Variants in GAS6 observed in about 807,000 individuals in gnomAD.
GAS6 encodes growth arrest specific 6.
In GAS6, 41 loss-of-function variants were observed where a neutral mutation model predicts 75.8. That is an observed-to-expected ratio of 0.54 (90% CI 0.42 to 0.70). The LOEUF (loss-of-function observed/expected upper bound fraction) is 0.70, where lower values mean the gene tolerates loss of function less well. GAS6 is among the 30% of genes least tolerant of loss of function. GAS6 has a pLI of 0.00. For synonymous variants in GAS6, 432 were observed against 412.6 expected (o/e 1.05, Z -0.57); for missense variants, 854 against 940.2 (o/e 0.91, Z 1.20).
Position 113,832,746 on chromosome 13 carries a change from A to T in GAS6, c.841T>A (p.Leu281Met), listed in dbSNP as rs2138631457. 1 of 1,612,674 alleles carries T rather than the reference A, an allele frequency of 6.2e-7. No homozygotes were observed. Among genetic ancestry groups the T allele is most frequent in the Non-Finnish European group, 8.5e-7 (1 of 1,179,916 alleles). The change falls in exon 9 of 15, where the codon TTG becomes ATG. Residue 281 changes from leucine (L) to methionine (M), a missense_variant. Transcript: ENST00000327773. ...GCCACGCTGAAGGGCACGCACGGCA[A>T]GATGTCCTGCCACGGACGGGGGCCA... ...SQDMDTCEDI[L>M]PCVPFSVAKS...
chr13:113,861,117 A>C (rs1464765965), intron 2 of GAS6, among the ~76,000 whole-genome samples: 1 of 151,784 alleles, frequency 6.6e-6, no homozygotes, highest in African/African-American at 2.4e-5. Flanking sequence ...TGCCCCAGCA[A>C]GGGGCAGTGG....
intron 2 of GAS6, among the ~76,000 whole-genome samples, chr13:113,859,797 C>G (rs2051956481): frequency 6.6e-6 from 1 of 152,070 alleles, no homozygotes; most frequent in African/African-American, 2.4e-5. Context: ...TCTGTCAAGG[C>G]AGGGCAGGGG....
In GAS6 at chr13:113,834,577, G is replaced by A; in HGVS notation, c.808C>T (p.Leu270=). The A allele has an allele frequency of 6.2e-7, 1 of 1,601,382 alleles. No homozygotes were observed. Among genetic ancestry groups the A allele is most frequent in the Non-Finnish European group, 8.5e-7 (1 of 1,175,058 alleles). ...TCACAGGTGTCCATGTCCTGGGACAGCTTGAGGCCCCCACGCCCGTCACAG... is the reference window on the plus strand; with the variant it reads ...TCACAGGTGTCCATGTCCTGGGACAACTTGAGGCCCCCACGCCCGTCACAG... ...CHCDGRGGLK[L]SQDMDTCEDI... is the part of the protein sequence containing the mutation. The change falls in exon 8 of 15, where the codon CTG becomes TTG. Residue 270 remains leucine (L), a synonymous_variant. Coordinates refer to ENST00000327773, the MANE Select transcript of GAS6 (RefSeq NM_000820.4).
intron 5 of GAS6, chr13:113,838,941 T>C (rs1156586183): frequency 5.4e-6 from 1 of 183,938 alleles, no homozygotes; most frequent in Non-Finnish European, 1.1e-5. Context: ...GCCCTAGCGT[T>C]TCATGGCCCC....
At chr13:113,850,993 G>T (rs976677661) in intron 2 of GAS6, among the ~76,000 whole-genome samples, 2 of 152,120 alleles carry the variant, frequency 1.3e-5, no homozygotes, top group Non-Finnish European at 2.9e-5. Flanking sequence ...CCAGATGAAT[G>T]AATGAATGAA....
chr13:113,834,678 A>G lies in GAS6; in HGVS notation c.713-6T>C, dbSNP rs761556478. ...CTGCAGACACTCGTCCACATCTGCC[A>G]GCCAGAGGGAAGCGGCGGTGAGCCG... On this transcript the variant is annotated splice_polypyrimidine_tract_variant and splice_region_variant and intron_variant, in intron 7 of 14. Transcript: ENST00000327773. 1.9e-6 allele frequency: 3 copies of G among 1,548,476 alleles called. No homozygotes were observed. Among genetic ancestry groups the G allele is most frequent in the Non-Finnish European group, 2.6e-6 (3 of 1,144,082 alleles).
intron 4 of GAS6, chr13:113,842,849 T>C: frequency 2.5e-6 from 1 of 397,012 alleles, no homozygotes; most frequent in Non-Finnish European, 4.4e-6. Context: ...CGGTCTTGAC[T>C]TTGCCTGGAA....
intron 10 of GAS6, among the ~76,000 whole-genome samples, chr13:113,831,602 A>C (rs2051631359): frequency 6.6e-6 from 1 of 152,078 alleles, no homozygotes; most frequent in Admixed American, 6.5e-5. Flanking sequence ...TACCTGAGCC[A>C]GGGTGACCAA....
At chr13:113,840,048 G>C (rs1470506859) in intron 4 of GAS6, 198 bp from the exon 5 acceptor site, 1 of 678,952 alleles carries the variant, frequency 1.5e-6, no homozygotes, top group African/African-American at 1.8e-5. Context: ...GGGCCCTGGG[G>C]CCGGCTCCAG....
intron 7 of GAS6, 48 bp downstream of exon 7, chr13:113,835,465 T>G (rs2051690123): frequency 1.2e-6 from 2 of 1,600,168 alleles, no homozygotes; most frequent in Admixed American, 3.4e-5. Context: ...CACCCGTGTC[T>G]AGACTTGGGC....
chr13:113,841,604 TGCCCAGTTTCCTCCATAC>T (rs2051779218), intron 4 of GAS6: 1 of 135,784 alleles, frequency 7.4e-6, no homozygotes, highest in Non-Finnish European at 1.5e-5. Flanking sequence ...TTCCTCCATA[TGCCCAGTTTCCTCCATAC>T]ACCCCACAGT....
intron 5 of GAS6, among the ~76,000 whole-genome samples, chr13:113,838,596 C>T (rs1449091541): frequency 8.9e-6 from 1 of 112,798 alleles, no homozygotes; most frequent in Non-Finnish European, 1.8e-5. Flanking sequence ...GGTGCACAGC[C>T]CAGCCCTGGA....
In GAS6 at chr13:113,828,697, C is replaced by G. The variant is rs775130717; in HGVS notation, c.1158G>C (p.Glu386Asp). 4 of 1,613,324 alleles carry G rather than the reference C, an allele frequency of 2.5e-6. 1 individual carries two copies. The South Asian group carries it at 4.4e-5, about 18-fold the overall frequency. Reference protein sequence around the residue: ...HGMWQTISVEELARNLVIKVN... With the variant: ...HGMWQTISVEDLARNLVIKVN... The stretch of plus-strand genomic sequence containing the variant: ...CCTTGATGACCAGATTCCGCGCCAG[C>G]TCCTCAACAGAGATCTGAAGAGAGG... The change falls in exon 11 of 15, where the codon GAG (glutamate) becomes GAC (aspartate). Residue 386 changes from glutamate (E) to aspartate (D), a missense_variant. By Grantham distance (45) the Glu-to-Asp change is conservative (BLOSUM62 2). Transcript: ENST00000327773.
At chr13:113,825,077 G>A (rs1157517042) in intron 12 of GAS6, among the ~76,000 whole-genome samples, 1 of 151,934 alleles carries the variant, frequency 6.6e-6, no homozygotes, top group Non-Finnish European at 1.5e-5. Flanking sequence ...AATTAGCTGG[G>A]TGTGGTGGTG....
At chr13:113,826,410 G>C (rs12868549) in intron 12 of GAS6, among the ~76,000 whole-genome samples, 30,377 of 107,344 alleles carry the variant, frequency 0.28, 3,713 homozygotes, top group South Asian at 0.41. Context: ...TTCTCTCCCC[G>C]GCCTCCCGGC....
intron 2 of GAS6, among the ~76,000 whole-genome samples, chr13:113,853,896 G>A (rs571663489): frequency 3.3e-5 from 5 of 152,240 alleles, no homozygotes; most frequent in South Asian, 2.1e-4. Flanking sequence ...CCTTCCTTCC[G>A]AATTCGTTTC....
intron 14 of GAS6, chr13:113,821,502 C>T (rs998694233): frequency 1.3e-5 from 3 of 228,698 alleles, no homozygotes; most frequent in Non-Finnish European, 2.6e-5. Context: ...AGGACATCCC[C>T]GGTCCCAGCC....
intron 8 of GAS6, among the ~76,000 whole-genome samples, chr13:113,834,339 G>A (rs2051672612): frequency 6.6e-6 from 1 of 152,244 alleles, no homozygotes; most frequent in Non-Finnish European, 1.5e-5. Context: ...GATCCACTGT[G>A]AGCTGGGAGT....
chr13:113,835,145 C>T (rs914687812), intron 7 of GAS6, among the ~76,000 whole-genome samples: 9 of 152,158 alleles, frequency 5.9e-5, no homozygotes, highest in African/African-American at 2.2e-4. Flanking sequence ...AGAGGCTCTA[C>T]GGCCAACAGG....
Sources: allele counts gnomAD v4.1 joint callset (sites outside exome capture counted in the v4.1 genomes callset), GRCh38; gene constraint gnomAD v4.1.1; transcripts MANE v1.5; gene names NCBI Gene and HGNC (gene_info 2026-07-23, HGNC 2026-07-21).